The following DIP2C variants were observed in gnomAD, a reference collection of about 807,000 sequenced individuals.
The protein encoded by DIP2C is disco-interacting protein 2 homolog C.
Under a neutral mutation model 192.4 loss-of-function variants are expected in DIP2C, and 33 were observed. The ratio of observed to expected loss-of-function variants is 0.17; its 90% CI spans 0.13 to 0.23. The LOEUF is 0.23. Ranked by LOEUF, DIP2C falls within the 10% of genes least tolerant of loss-of-function variation. DIP2C has a pLI of 1.00. For missense variants in DIP2C, 1,537 were observed against 2,110.1 expected, an observed-to-expected ratio of 0.73 and a Z score of 5.32; for synonymous variants, 979 against 864.1, an observed-to-expected ratio of 1.13 and a Z score of -2.33.
chr10:416,636 T>C (rs970223233), intron 6 of DIP2C, among the ~76,000 whole-genome samples: 3 of 152,204 alleles, frequency 2.0e-5, no homozygotes, highest in Non-Finnish European at 4.4e-5. Flanking sequence ...CTAATTATAA[T>C]GAATGCTGCA....
intron 29 of DIP2C, among the ~76,000 whole-genome samples, chr10:330,018 AGTTT>A (rs1270098146): frequency 6.6e-6 from 1 of 152,128 alleles, no homozygotes; most frequent in Non-Finnish European, 1.5e-5. Flanking sequence ...TTGTAAATAA[AGTTT>A]TATTGGAACA....
At chr10:477,932 A>G (rs920477418) in intron 2 of DIP2C, among the ~76,000 whole-genome samples, 3 of 112,110 alleles carry the variant, frequency 2.7e-5, no homozygotes, top group African/African-American at 7.7e-5. Flanking sequence ...AAAGAGAGGG[A>G]AAGAAGGAAG....
chr10:332,660 T>C (rs1957554887), intron 29 of DIP2C, among the ~76,000 whole-genome samples: 1 of 152,250 alleles, frequency 6.6e-6, no homozygotes, highest in African/African-American at 2.4e-5. Context: ...CTTCAGATCT[T>C]AACTTCAAAA....
chr10:521,593 T>C (rs917787447), intron 1 of DIP2C, among the ~76,000 whole-genome samples: 5 of 152,232 alleles, frequency 3.3e-5, no homozygotes, highest in African/African-American at 1.2e-4. Flanking sequence ...CTGGCTATCC[T>C]GGCAGTGCTC....
chr10:278,451 G>A (rs1030056431), intron 36 of DIP2C, among the ~76,000 whole-genome samples: 1 of 151,402 alleles, frequency 6.6e-6, no homozygotes, highest in Non-Finnish European at 1.5e-5. Flanking sequence ...TGCAAGGATG[G>A]GGACACACCT....
intron 3 of DIP2C, among the ~76,000 whole-genome samples, chr10:441,370 T>TCA (rs75358239): frequency 0.16 from 24,139 of 151,924 alleles, 4,962 homozygotes; most frequent in African/African-American, 0.48. Context: ...GCACCCCAAC[T>TCA]CACAGCCACG....
intron 36 of DIP2C, among the ~76,000 whole-genome samples, chr10:279,331 T>C (rs1476673368): frequency 6.6e-6 from 1 of 152,168 alleles, no homozygotes; most frequent in Non-Finnish European, 1.5e-5. Flanking sequence ...TTACGGCATT[T>C]GAAATGTATG....
chr10:340,835 G>C (rs914603954), intron 29 of DIP2C: 1 of 462,546 alleles, frequency 2.2e-6, no homozygotes, highest in Non-Finnish European at 4.3e-6. Context: ...GCCTGAGGGA[G>C]GTGACAGCCT....
chr10:570,994 G>A (rs370050585), intron 1 of DIP2C, among the ~76,000 whole-genome samples: 19 of 152,112 alleles, frequency 1.2e-4, no homozygotes, highest in African/African-American at 4.1e-4. Flanking sequence ...CAAGAGCCCC[G>A]CAGGCTTCCC....
intron 36 of DIP2C, among the ~76,000 whole-genome samples, chr10:278,037 G>A (rs995541094): frequency 7.0e-6 from 1 of 142,730 alleles, no homozygotes; most frequent in African/African-American, 2.6e-5. Flanking sequence ...GCCGAGGGCA[G>A]GGGTGCCTAC....
chr10:452,600 G>T (rs1289736967), intron 3 of DIP2C, among the ~76,000 whole-genome samples: 1 of 152,216 alleles, frequency 6.6e-6, no homozygotes, highest in East Asian at 1.9e-4. Flanking sequence ...ACAGCGCTTT[G>T]TCGAAAGACC....
chr10:624,564 C>G (rs1854078925), intron 1 of DIP2C, among the ~76,000 whole-genome samples: 1 of 152,194 alleles, frequency 6.6e-6, no homozygotes, highest in Admixed American at 6.5e-5. Context: ...GAAGTCACTC[C>G]CACCAGCCCA....
At chr10:653,248 A>G (rs1856063196) in intron 1 of DIP2C, among the ~76,000 whole-genome samples, 1 of 152,172 alleles carries the variant, frequency 6.6e-6, no homozygotes, top group Admixed American at 6.5e-5. Flanking sequence ...CAGGAGTTTG[A>G]GACCAGCCTG....
chr10:341,498 A>G (rs1958146207), intron 28 of DIP2C, among the ~76,000 whole-genome samples, 169 bp from the exon 29 acceptor site: 1 of 151,566 alleles, frequency 6.6e-6, no homozygotes, highest in Admixed American at 6.6e-5. Flanking sequence ...TTTTGAACGC[A>G]TCGGACCTGA....
intron 4 of DIP2C, among the ~76,000 whole-genome samples, chr10:430,896 G>A (rs906487218): frequency 6.6e-5 from 10 of 152,208 alleles, no homozygotes; most frequent in Non-Finnish European, 1.2e-4. Context: ...TTTGAAAGAT[G>A]TAAGGTCTGT....
intron 1 of DIP2C, among the ~76,000 whole-genome samples, chr10:633,473 G>C (rs1466302002): frequency 1.3e-5 from 2 of 152,196 alleles, no homozygotes; most frequent in Non-Finnish European, 2.9e-5. Context: ...GAGTGGATGG[G>C]GAGAGTTCGA....
chr10:612,195 A>AGGCAGGAGAAT (rs1370305403), intron 1 of DIP2C, among the ~76,000 whole-genome samples: 1 of 151,998 alleles, frequency 6.6e-6, no homozygotes, highest in Non-Finnish European at 1.5e-5. Flanking sequence ...CAGGAGGCTG[A>AGGCAGGAGAAT]GGCAGGAGAA....
chr10:393,838 AAAC>A lies in DIP2C; in HGVS notation c.1261-2978_1261-2976del, dbSNP rs1305076173. On this transcript the variant is annotated intron_variant, in intron 10 of 36. Coordinates refer to ENST00000280886, the MANE Select transcript of DIP2C (RefSeq NM_014974.3). Reference sequence around the variant, plus strand: ...GAAAAAGGAAAAGGAAAAAAAAAAAAAACAACCCACAAGGAGACATCACCTCAC... The same window carrying A: ...GAAAAAGGAAAAGGAAAAAAAAAAAAAACCCACAAGGAGACATCACCTCAC... 2.0e-3 allele frequency among the ~76,000 whole-genome samples: 299 copies of A among 151,340 alleles called. 1 individual carries two copies. The highest frequency in any genetic ancestry group is 0.014 in the Middle Eastern group (4 of 294).
intron 1 of DIP2C, among the ~76,000 whole-genome samples, chr10:558,885 T>C (rs192115759): frequency 7.2e-5 from 11 of 152,142 alleles, no homozygotes; most frequent in East Asian, 1.9e-4. Flanking sequence ...AGAAGGAGAC[T>C]TGGAGAACAC....
Sources: gnomAD v4.1 joint callset for allele counts (sites outside exome capture counted in the v4.1 genomes callset) on GRCh38, gnomAD v4.1.1 for gene constraint, MANE v1.5 for transcripts, NCBI Gene and HGNC (gene_info 2026-07-23, HGNC 2026-07-21) for gene names.